NOL4: variants seen among roughly 807,000 people sequenced by gnomAD.
NOL4 encodes the protein cancer/testis antigen 125.
NOL4 carries 17 observed loss-of-function variants against 75.9 expected under a neutral mutation model. The observed-to-expected ratio is 0.22, with a 90% CI of 0.15 to 0.34. The LOEUF (loss-of-function observed/expected upper bound fraction) is 0.34, where lower values mean the gene tolerates loss of function less well. NOL4 is among the 10% of genes least tolerant of loss of function. NOL4 has a pLI of 1.00. For synonymous variants in NOL4, 292 were observed against 289.9 expected, an observed-to-expected ratio of 1.01 and a Z score of -0.07; for missense variants, 614 against 793.5, an observed-to-expected ratio of 0.77 and a Z score of 2.72.
intron 5 of NOL4, among the ~76,000 whole-genome samples, chr18:34,023,147 A>T (rs575494364): frequency 3.3e-5 from 5 of 152,324 alleles, no homozygotes; most frequent in Admixed American, 3.3e-4. Context: ...TTTGCAATTT[A>T]AATGGTAAAA....
At chr18:34,212,321 C>A (rs1310888490) in intron 1 of NOL4, among the ~76,000 whole-genome samples, 1 of 152,144 alleles carries the variant, frequency 6.6e-6, no homozygotes, top group East Asian at 1.9e-4. Context: ...TCATCAAAAA[C>A]CATAGAAATG....
At chr18:33,972,477 G>A (rs2071152790) in intron 6 of NOL4, among the ~76,000 whole-genome samples, 1 of 152,116 alleles carries the variant, frequency 6.6e-6, no homozygotes, top group South Asian at 2.1e-4. Flanking sequence ...TGTTGAGGAT[G>A]TTGTGGAAAA....
intron 10 of NOL4, among the ~76,000 whole-genome samples, chr18:33,860,036 T>C: frequency 6.6e-6 from 1 of 152,110 alleles, no homozygotes; most frequent in South Asian, 2.1e-4. Context: ...CTTACAGTCA[T>C]GGCAGAGGGA....
chr18:33,946,866 G>A lies in NOL4; in HGVS notation c.1429-3688C>T, dbSNP rs565603526. Among the ~76,000 whole-genome samples the A allele has an allele frequency of 6.6e-5, 10 of 151,772 alleles. No individual in the cohort carries two copies. The South Asian group carries it at 8.3e-4, about 13-fold the overall frequency. ...GATTTTAAAGTTTATACAGCCAGAA[G>A]TGTCAATAAATTACTATACACGAAC... On this transcript the variant is annotated intron_variant, in intron 8 of 10. Transcript: ENST00000261592.
intron 1 of NOL4, among the ~76,000 whole-genome samples, chr18:34,133,464 T>C (rs977781155): frequency 1.3e-5 from 2 of 151,528 alleles, no homozygotes; most frequent in Admixed American, 6.6e-5. Context: ...AATAATATAA[T>C]ATAATACAAA....
At chr18:33,939,399 T>C (rs2068305377) in intron 9 of NOL4, among the ~76,000 whole-genome samples, 1 of 152,126 alleles carries the variant, frequency 6.6e-6, no homozygotes, top group African/African-American at 2.4e-5. Flanking sequence ...ATTCTTTCGA[T>C]CCATGAGCAA....
chr18:33,950,920 T>C (rs2069174614), intron 8 of NOL4, among the ~76,000 whole-genome samples: 1 of 152,170 alleles, frequency 6.6e-6, no homozygotes, highest in African/African-American at 2.4e-5. Flanking sequence ...TACCAGGTAC[T>C]GTCCTAGGAG....
At chr18:34,201,011 G>A (rs1173862021) in intron 1 of NOL4, among the ~76,000 whole-genome samples, 1 of 151,598 alleles carries the variant, frequency 6.6e-6, no homozygotes, top group Non-Finnish European at 1.5e-5. Flanking sequence ...CTCCTATGCT[G>A]CTCTATATAG....
At chr18:33,971,759 C>T (rs1177801513) in intron 6 of NOL4, among the ~76,000 whole-genome samples, 2 of 152,036 alleles carry the variant, frequency 1.3e-5, no homozygotes, top group East Asian at 3.9e-4. Context: ...CCAGAGATTA[C>T]TTTATATAAA....
intron 9 of NOL4, among the ~76,000 whole-genome samples, chr18:33,933,704 A>G (rs1006052320): frequency 2.0e-5 from 3 of 152,158 alleles, no homozygotes; most frequent in Non-Finnish European, 4.4e-5. Flanking sequence ...ATTCAGTCAC[A>G]TCTTCAGGCT....
chr18:34,052,358 C>T (rs182206211), intron 5 of NOL4, among the ~76,000 whole-genome samples: 89 of 151,664 alleles, frequency 5.9e-4, no homozygotes, highest in African/African-American at 1.9e-3. Context: ...TAAAAAACAA[C>T]TAAAGAAGGA....
At chr18:34,187,597 C>T (rs1407457043) in intron 1 of NOL4, among the ~76,000 whole-genome samples, 6 of 152,016 alleles carry the variant, frequency 3.9e-5, no homozygotes, top group African/African-American at 1.4e-4. Flanking sequence ...CCGTGTTAGC[C>T]AGGATGGTCT....
intron 1 of NOL4, among the ~76,000 whole-genome samples, chr18:34,213,437 A>G (rs10853431): frequency 0.72 from 109,715 of 151,958 alleles, 39,815 homozygotes; most frequent in African/African-American, 0.75. Context: ...CTACAGGCAC[A>G]CGCCGCCACC....
chr18:33,935,878 T>C (rs1400669041), intron 9 of NOL4, among the ~76,000 whole-genome samples: 2 of 152,060 alleles, frequency 1.3e-5, no homozygotes, highest in Admixed American at 6.6e-5. Flanking sequence ...AACATATGTA[T>C]GTAAGAGAGA....
chr18:34,109,835 T>C (rs1275903650), intron 2 of NOL4, among the ~76,000 whole-genome samples: 3 of 151,742 alleles, frequency 2.0e-5, no homozygotes, highest in Non-Finnish European at 4.4e-5. Flanking sequence ...ATATTATAAA[T>C]ATCAGAGAAA....
intron 6 of NOL4, among the ~76,000 whole-genome samples, chr18:34,008,891 T>C (rs1219528450): frequency 6.6e-6 from 1 of 151,944 alleles, no homozygotes; most frequent in Non-Finnish European, 1.5e-5. Context: ...AAAAAGTGTA[T>C]GGGATAAGAT....
intron 9 of NOL4, among the ~76,000 whole-genome samples, chr18:33,926,127 C>T (rs571745610): frequency 1.4e-4 from 22 of 151,934 alleles, no homozygotes; most frequent in African/African-American, 5.1e-4. Flanking sequence ...TCTGGGAGCC[C>T]GAGGTGGGCA....
intron 9 of NOL4, among the ~76,000 whole-genome samples, chr18:33,905,033 C>T (rs1004636457): frequency 9.2e-5 from 14 of 152,136 alleles, no homozygotes; most frequent in Non-Finnish European, 5.9e-5. Flanking sequence ...TTGCCAGTTG[C>T]CCTGCCATAG....
At chr18:33,939,767 T>C (rs1309248124) in intron 9 of NOL4, among the ~76,000 whole-genome samples, 3 of 152,114 alleles carry the variant, frequency 2.0e-5, no homozygotes, top group Non-Finnish European at 2.9e-5. Flanking sequence ...CTTTCTTTCT[T>C]TCTCTTGCCT....
Sources: gnomAD v4.1 joint callset for allele counts (sites outside exome capture counted in the v4.1 genomes callset) on GRCh38, gnomAD v4.1.1 for gene constraint, MANE v1.5 for transcripts, NCBI Gene and HGNC (gene_info 2026-07-23, HGNC 2026-07-21) for gene names.